Variants in ARHGEF37 observed in about 807,000 individuals in gnomAD.
ARHGEF37 encodes Rho guanine nucleotide exchange factor 37.
ARHGEF37 carries 55 observed loss-of-function variants against 71.1 expected under a neutral mutation model. The ratio of observed to expected loss-of-function variants is 0.77; its 90% CI spans 0.62 to 0.97. ARHGEF37 has a LOEUF of 0.97. Among genes scored for constraint, ARHGEF37 ranks in the 50% least tolerant of loss-of-function variants. The pLI is 0.00. For missense variants in ARHGEF37, 765 were observed against 836.8 expected (o/e 0.91, Z 1.06); for synonymous variants, 327 against 350.6 (o/e 0.93, Z 0.75).
rs190601561 is a variant in ARHGEF37 at position 149,569,264 on chromosome 5, A to C, written c.-12+17141A>C. Among the ~76,000 whole-genome samples, 355 of 152,010 alleles carry C rather than the reference A, an allele frequency of 2.3e-3. 2 individuals carry two copies. The highest frequency in any genetic ancestry group is 6.0e-3 in the Admixed American group (91 of 15,260). Reference sequence around the variant, plus strand: ...ATTTTGGTCAAATACCAACTAGTTGAATTGCTGGGTCCTAGTAAGAGAAGT... The same window carrying C: ...ATTTTGGTCAAATACCAACTAGTTGCATTGCTGGGTCCTAGTAAGAGAAGT... On this transcript the variant is annotated intron_variant, in intron 1 of 2. Coordinates refer to the ARHGEF37 transcript ENST00000505810.
intron 1 of ARHGEF37, among the ~76,000 whole-genome samples, chr5:149,597,451 G>T (rs182872658): frequency 2.0e-5 from 3 of 152,158 alleles, no homozygotes; most frequent in Admixed American, 2.0e-4. Context: ...TAGAGACGGG[G>T]TTTCATCATG....
At chr5:149,620,586 T>C (rs1752511365) in intron 8 of ARHGEF37, 122 bp downstream of exon 8, 1 of 676,024 alleles carries the variant, frequency 1.5e-6, no homozygotes, top group Non-Finnish European at 2.4e-6. Flanking sequence ...TCCCAGCACT[T>C]TGGGAGGCCG....
At chr5:149,586,917 A>G (rs1230031010) in intron 1 of ARHGEF37, among the ~76,000 whole-genome samples, 1 of 151,698 alleles carries the variant, frequency 6.6e-6, no homozygotes, top group African/African-American at 2.4e-5. Context: ...CCTTTGATCT[A>G]CTGATCTAGT....
chr5:149,587,894 C>CCTTTTTTT (rs1561790080), intron 1 of ARHGEF37, among the ~76,000 whole-genome samples: 4 of 129,164 alleles, frequency 3.1e-5, no homozygotes, highest in African/African-American at 3.0e-5. Flanking sequence ...TCCCTTTAGT[C>CCTTTTTTT]TTTTTTTTTT....
At chr5:149,572,612 A>G (rs114622478) in intron 1 of ARHGEF37, among the ~76,000 whole-genome samples, 255 of 152,336 alleles carry the variant, frequency 1.7e-3, no homozygotes, top group Non-Finnish European at 2.7e-3. Context: ...TAGTTGGTCA[A>G]ACATTATTCT....
At chr5:149,552,461 C>T (rs1762691969) in intron 1 of ARHGEF37, among the ~76,000 whole-genome samples, 1 of 152,106 alleles carries the variant, frequency 6.6e-6, no homozygotes, top group African/African-American at 2.4e-5. Context: ...CGAAAGAAAA[C>T]TCCATGGTTG....
chr5:149,621,990 G>A lies in ARHGEF37; in HGVS notation c.1263G>A (p.Met421Ile). The A allele has an allele frequency of 2.5e-6, 4 of 1,614,178 alleles. No individual in the cohort carries two copies. The highest frequency in any genetic ancestry group is 2.7e-5 in the African/African-American group (2 of 75,074). ...QLVMQWLGQIMCTFVTLQRDL... is the reference protein window; with the variant it reads ...QLVMQWLGQIICTFVTLQRDL... Reference sequence around the variant, plus strand: ...TCATGCAGTGGCTGGGCCAGATCATGTGCACATTCGTGACCCTCCAGAGGG... The same window carrying A: ...TCATGCAGTGGCTGGGCCAGATCATATGCACATTCGTGACCCTCCAGAGGG... The change falls in exon 9 of 13, where the codon ATG (methionine) becomes ATA (isoleucine). Residue 421 changes from methionine to isoleucine, a missense_variant. Coordinates refer to ENST00000333677, the MANE Select transcript of ARHGEF37 (RefSeq NM_001001669.3).
In ARHGEF37 at chr5:149,621,830, T is replaced by G. The variant is rs1401366843; in HGVS notation, c.1103T>G (p.Leu368Arg). 2 of 1,614,082 alleles carry G rather than the reference T, an allele frequency of 1.2e-6. No homozygotes were observed. Among genetic ancestry groups the G allele is most frequent in the Non-Finnish European group, 1.7e-6 (2 of 1,180,032 alleles). ...CTGATCAAGAAGCGTCTGGACAAGCTACTGGACTTTGAGCGGGTGGAAGAG... is the reference window on the plus strand; with the variant it reads ...CTGATCAAGAAGCGTCTGGACAAGCGACTGGACTTTGAGCGGGTGGAAGAG... ...QNLIKKRLDK[L>R]LDFERVEEKL... is the part of the protein sequence containing the mutation. Residue 368 changes from leucine (L) to arginine (R), a missense_variant, in exon 9 of 13, where the codon CTA (leucine) becomes CGA (arginine). Transcript: ENST00000333677.
At chr5:149,618,152 T>C (rs767319655) in intron 5 of ARHGEF37, 24 bp from the exon 6 acceptor site, 4 of 1,613,622 alleles carry the variant, frequency 2.5e-6, no homozygotes, top group Non-Finnish European at 2.5e-6. Context: ...ATCACCGTGC[T>C]TCCCCTCTTC....
chr5:149,557,793 A>G (rs1047634507), intron 1 of ARHGEF37, among the ~76,000 whole-genome samples: 13 of 151,992 alleles, frequency 8.6e-5, no homozygotes, highest in Non-Finnish European at 1.9e-4. Flanking sequence ...TATTTTTTGA[A>G]TATATTTATT....
At chr5:149,621,668 C>A in intron 8 of ARHGEF37, 65 bp from the exon 9 acceptor site, 1 of 1,468,156 alleles carries the variant, frequency 6.8e-7, no homozygotes, top group Non-Finnish European at 9.3e-7. Flanking sequence ...TTCCAAAGCC[C>A]CTTCTCACAG....
At chr5:149,617,259 A>G (rs1017020084) in intron 5 of ARHGEF37, among the ~76,000 whole-genome samples, 15 of 152,182 alleles carry the variant, frequency 9.9e-5, no homozygotes, top group African/African-American at 2.2e-4. Context: ...ATTGGCTTGT[A>G]TCAGTCAGCA....
At chr5:149,565,536 GAC>G (rs1348990356) in intron 1 of ARHGEF37, among the ~76,000 whole-genome samples, 2 of 152,162 alleles carry the variant, frequency 1.3e-5, no homozygotes, top group Non-Finnish European at 2.9e-5. Flanking sequence ...GCTACCAAGA[GAC>G]ACTGAAATAT....
chr5:149,573,690 T>A (rs1001359286), intron 1 of ARHGEF37, among the ~76,000 whole-genome samples: 1 of 152,164 alleles, frequency 6.6e-6, no homozygotes, highest in Non-Finnish European at 1.5e-5. Context: ...TACTAATGTA[T>A]CCCCAGAACA....
At chr5:149,568,694 T>C (rs1371568407) in intron 1 of ARHGEF37, among the ~76,000 whole-genome samples, 1 of 151,160 alleles carries the variant, frequency 6.6e-6, no homozygotes, top group Non-Finnish European at 1.5e-5. Flanking sequence ...GCCTATAATC[T>C]CAGTTACTTG....
In ARHGEF37 at chr5:149,601,149, T is replaced by G; in HGVS notation, c.228T>G (p.Asp76Glu). Residue 76 changes from aspartate (D) to glutamate (E), a missense_variant, in exon 3 of 13, where the codon GAT becomes GAG. Physicochemically the swap from Asp to Glu is conservative, Grantham distance 45. This residue lies in a region of ARHGEF37 where 201 missense variants were observed against 217.5 expected (regional missense o/e 0.92). Transcript: ENST00000333677. ...TGGATGTCCTGTTCTCAAACATTGA[T>G]GATATCATCAAAGTGAACAGCAGAT... Reference protein sequence around the residue: ...GDLDVLFSNIDDIIKVNSRFL... With the variant: ...GDLDVLFSNIEDIIKVNSRFL... 6.2e-7 allele frequency: 1 copy of G among 1,613,200 alleles called. No individual in the cohort carries two copies. The highest frequency in any genetic ancestry group is 8.5e-7 in the Non-Finnish European group (1 of 1,179,274).
chr5:149,584,897 C>T (rs1364225623), intron 1 of ARHGEF37, among the ~76,000 whole-genome samples: 1 of 152,344 alleles, frequency 6.6e-6, no homozygotes, highest in Admixed American at 6.5e-5. Context: ...GCTAGGATTA[C>T]AGGCATGAGC....
chr5:149,567,945 T>G (rs1190239871), intron 1 of ARHGEF37, among the ~76,000 whole-genome samples: 1 of 152,178 alleles, frequency 6.6e-6, no homozygotes, highest in African/African-American at 2.4e-5. Context: ...TAGGACCTCT[T>G]AGCAAACAGA....
chr5:149,609,531 T>C lies in ARHGEF37; in HGVS notation c.311-17T>C. On this transcript the variant is annotated splice_polypyrimidine_tract_variant and intron_variant, in intron 3 of 12. Transcript: ENST00000333677. ...AGACATGCCCTTGACGACCCCTTGT[T>C]GCGTCTTCACTCTCAGGTAACATAT... The C allele has an allele frequency of 6.2e-7, 1 of 1,613,414 alleles. No homozygotes were observed. Among genetic ancestry groups the C allele is most frequent in the South Asian group, 1.1e-5 (1 of 91,024 alleles).
Sources: gnomAD v4.1 joint callset for allele counts (sites outside exome capture counted in the v4.1 genomes callset) on GRCh38, gnomAD v4.1.1 for gene constraint, gnomAD v4.1.1 regional missense constraint, MANE v1.5 for transcripts, NCBI Gene and HGNC (gene_info 2026-07-23, HGNC 2026-07-21) for gene names.